Variants in LTBP1 observed in about 807,000 individuals in gnomAD.
The protein encoded by LTBP1 is latent transforming growth factor beta binding protein 1.
LTBP1 carries 129 observed loss-of-function variants against 207.6 expected under a neutral mutation model. That is an observed-to-expected ratio of 0.62 (90% CI 0.54 to 0.72). The LOEUF is 0.72. Ranked by LOEUF, LTBP1 falls within the 30% of genes least tolerant of loss-of-function variation. The pLI is 0.00. For missense variants in LTBP1, 2,281 were observed against 2,217.2 expected, an observed-to-expected ratio of 1.03 and a Z score of -0.58; for synonymous variants, 963 against 833.7, an observed-to-expected ratio of 1.16 and a Z score of -2.67.
At chr2:33,275,401 C>T (rs552737569) in intron 17 of LTBP1, among the ~76,000 whole-genome samples, 1 of 152,258 alleles carries the variant, frequency 6.6e-6, no homozygotes, top group African/African-American at 2.4e-5. Context: ...AAATCAGTTA[C>T]TGGCCAGGCG....
Position 33,134,954 on chromosome 2 carries a change from C to A in LTBP1, c.1195C>A (p.Arg399=), listed in dbSNP as rs1284049275. 6.2e-7 allele frequency: 1 copy of A among 1,610,234 alleles called. No homozygotes were observed. The highest frequency in any genetic ancestry group is 1.3e-5 in the African/African-American group (1 of 74,964). The change falls in exon 5 of 34, where the codon CGA becomes AGA. Residue 399 remains arginine, a synonymous_variant. Coordinates refer to ENST00000404816, the MANE Select transcript of LTBP1 (RefSeq NM_206943.4). This position sits in a 1 kb window ranked among gnomAD's most constrained non-coding sequence, Gnocchi z 4.4. ...CGACACCCTGACGGCCACGAACTTCCGAGTGGGTGAGTTCCTCCACGGTCC... is the reference window on the plus strand; with the variant it reads ...CGACACCCTGACGGCCACGAACTTCAGAGTGGGTGAGTTCCTCCACGGTCC... ...AADTLTATNF[R]VVICHLPCMN...
intron 2 of LTBP1, among the ~76,000 whole-genome samples, chr2:32,954,423 G>A (rs568191477): frequency 6.6e-6 from 1 of 152,054 alleles, no homozygotes; most frequent in Non-Finnish European, 1.5e-5. Flanking sequence ...TCTCTCCTTG[G>A]CCTGTAGATG....
chr2:33,276,525 T>C (rs1314993501), intron 18 of LTBP1, among the ~76,000 whole-genome samples: 1 of 152,238 alleles, frequency 6.6e-6, no homozygotes, highest in African/African-American at 2.4e-5. Flanking sequence ...CTTTTCACGT[T>C]TGTGTCCAAG....
At chr2:33,184,196 C>T (rs560137381) in intron 5 of LTBP1, among the ~76,000 whole-genome samples, 3 of 152,282 alleles carry the variant, frequency 2.0e-5, no homozygotes, top group South Asian at 2.1e-4. Flanking sequence ...CAGCTAATCC[C>T]GCATGCCATC....
At chr2:33,194,728 G>T (rs1366962514) in intron 7 of LTBP1, among the ~76,000 whole-genome samples, 1 of 152,210 alleles carries the variant, frequency 6.6e-6, no homozygotes, top group African/African-American at 2.4e-5. Context: ...GCAGCAAGTT[G>T]TCCAGAAGAT....
intron 26 of LTBP1, among the ~76,000 whole-genome samples, chr2:33,359,215 G>A (rs182641591): frequency 2.3e-3 from 345 of 152,300 alleles, no homozygotes; most frequent in Admixed American, 5.2e-3. Context: ...TATTCTCACT[G>A]ATGCTCTGTG....
At chr2:33,189,322 A>G (rs1462041350) in intron 7 of LTBP1, among the ~76,000 whole-genome samples, 1 of 152,140 alleles carries the variant, frequency 6.6e-6, no homozygotes, top group Non-Finnish European at 1.5e-5. Context: ...TAGCCTCCTA[A>G]GTAGCTGGGA....
rs116653524 is a variant in LTBP1 at position 33,282,698 on chromosome 2, A to G, written c.3112+2540A>G. Among the ~76,000 whole-genome samples, 528 of 152,294 alleles carry G rather than the reference A, an allele frequency of 3.5e-3. 4 individuals are homozygous for G. The highest frequency in any genetic ancestry group is 0.012 in the African/African-American group (507 of 41,554). On this transcript the variant is annotated intron_variant, in intron 19 of 33. Coordinates refer to ENST00000404816, the MANE Select transcript of LTBP1 (RefSeq NM_206943.4). ...GCTCATCACTAACATAACTGGATATATATTCATTCATTTAACAAATACTGA... is the reference window on the plus strand; with the variant it reads ...GCTCATCACTAACATAACTGGATATGTATTCATTCATTTAACAAATACTGA...
chr2:33,234,824 C>T (rs1277382300), intron 9 of LTBP1, among the ~76,000 whole-genome samples: 2 of 151,976 alleles, frequency 1.3e-5, no homozygotes, highest in African/African-American at 4.8e-5. Context: ...TCAAACTGTA[C>T]TACAAGGCTA....
At chr2:33,102,058 G>A (rs2079770559) in intron 3 of LTBP1, among the ~76,000 whole-genome samples, 1 of 152,054 alleles carries the variant, frequency 6.6e-6, no homozygotes, top group African/African-American at 2.4e-5. Context: ...GGCCTAATGG[G>A]GCATCCAGAG....
rs140648055 is a variant in LTBP1, at chr2:33,045,958, C to T, written c.863+24752C>T. 2.7e-3 allele frequency among the ~76,000 whole-genome samples: 415 copies of T among 152,138 alleles called. 3 individuals carry two copies. Among genetic ancestry groups the T allele is most frequent in the Middle Eastern group, 0.027 (8 of 294 alleles). Reference sequence around the variant, plus strand: ...AGGGATGCTTGTGATTTTTGCACATCGAATTTGTTTCCTGAGAATTTGCTG... The same window carrying T: ...AGGGATGCTTGTGATTTTTGCACATTGAATTTGTTTCCTGAGAATTTGCTG... On this transcript the variant is annotated intron_variant, in intron 3 of 33. Transcript: ENST00000404816.
At chr2:33,099,922 A>T (rs2079621759) in intron 3 of LTBP1, among the ~76,000 whole-genome samples, 1 of 152,178 alleles carries the variant, frequency 6.6e-6, no homozygotes, top group African/African-American at 2.4e-5. Flanking sequence ...CACAAGGGGG[A>T]ATAGATAAAA....
intron 5 of LTBP1, among the ~76,000 whole-genome samples, chr2:33,176,712 T>C (rs2086098797): frequency 6.6e-6 from 1 of 152,090 alleles, no homozygotes; most frequent in Non-Finnish European, 1.5e-5. Flanking sequence ...GATGTGGAGA[T>C]GGCAGGCATG....
At chr2:33,279,199 A>C (rs1408808208) in intron 18 of LTBP1, among the ~76,000 whole-genome samples, 3 of 152,210 alleles carry the variant, frequency 2.0e-5, no homozygotes, top group Non-Finnish European at 1.5e-5. Flanking sequence ...ACTTATTTCA[A>C]ATGCAGCTAG....
At chr2:33,012,370 G>A (rs1481959815) in intron 2 of LTBP1, among the ~76,000 whole-genome samples, 2 of 152,230 alleles carry the variant, frequency 1.3e-5, no homozygotes, top group South Asian at 2.1e-4. Context: ...GGGCAAGGAG[G>A]TGTGTAGTCA....
At chr2:33,135,767 A>G (rs1156430033) in intron 5 of LTBP1, among the ~76,000 whole-genome samples, 1 of 152,250 alleles carries the variant, frequency 6.6e-6, no homozygotes, top group Non-Finnish European at 1.5e-5. Context: ...GTCATGCAAT[A>G]CAGTATTTTT....
In LTBP1 at chr2:32,991,726, A is replaced by G. The variant is rs563129223; in HGVS notation, c.566-29183A>G. Among the ~76,000 whole-genome samples, 501 of 152,270 alleles carry G rather than the reference A, an allele frequency of 3.3e-3. 2 individuals carry two copies. Among genetic ancestry groups the G allele is most frequent in the Non-Finnish European group, 6.1e-3 (412 of 68,022 alleles). On this transcript the variant is annotated intron_variant, in intron 2 of 33. Coordinates refer to ENST00000404816, the MANE Select transcript of LTBP1 (RefSeq NM_206943.4). Reference sequence around the variant, plus strand: ...TTAGAATTCTGTTTGGAAATGACCTAGGAAGTCAGTCATCTAATCTAGCTC... The same window carrying G: ...TTAGAATTCTGTTTGGAAATGACCTGGGAAGTCAGTCATCTAATCTAGCTC...
At chr2:33,243,002 G>A (rs2092387688) in intron 9 of LTBP1, among the ~76,000 whole-genome samples, 1 of 152,096 alleles carries the variant, frequency 6.6e-6, no homozygotes, top group South Asian at 2.1e-4. Flanking sequence ...CCAGTGGTTT[G>A]ACTCATCATT....
Position 33,118,485 on chromosome 2 carries a change from G to A in LTBP1, c.1033+7734G>A, listed in dbSNP as rs545960920. On this transcript the variant is annotated intron_variant, in intron 4 of 33. Transcript: ENST00000404816. ...TCTGTATGGGAATCGGGAACCTTGA[G>A]CCAGTTTCCCAACTGTATGATCATG... Among the ~76,000 whole-genome samples, 107 of 152,344 alleles carry A rather than the reference G, an allele frequency of 7.0e-4. 1 individual carries two copies. The highest frequency in any genetic ancestry group is 2.5e-3 in the African/African-American group (104 of 41,572).
Sources: gnomAD v4.1 joint callset for allele counts (sites outside exome capture counted in the v4.1 genomes callset) on GRCh38, gnomAD v4.1.1 for gene constraint, Gnocchi (gnomAD v3.1) non-coding constraint, MANE v1.5 for transcripts, NCBI Gene and HGNC (gene_info 2026-07-23, HGNC 2026-07-21) for gene names.